ZNF493: variants seen among roughly 807,000 people sequenced by gnomAD.
ZNF493 encodes zinc finger protein 493.
ZNF493 carries 11 observed loss-of-function variants against 12.2 expected under a neutral mutation model. That is an observed-to-expected ratio of 0.90 (90% CI 0.57 to 1.50). ZNF493 has a LOEUF of 1.50. ZNF493 is among the 40% of genes most tolerant of loss of function. The pLI, the probability that ZNF493 is intolerant of heterozygous loss-of-function variation, is 0.00. For synonymous variants in ZNF493, 286 were observed against 302.6 expected, an observed-to-expected ratio of 0.95 and a Z score of 0.57; for missense variants, 950 against 906.6, an observed-to-expected ratio of 1.05 and a Z score of -0.61.
In ZNF493 at chr19:21,405,793, T is replaced by A; in HGVS notation, c.190T>A (p.Cys64Ser). The A allele has an allele frequency of 6.2e-7, 1 of 1,611,492 alleles. No homozygotes were observed. The highest frequency in any genetic ancestry group is 1.7e-5 in the Admixed American group (1 of 59,570). Reference sequence around the variant, plus strand: ...TGTCTCTAAGCCAGATCTGGTCACCTGTCTGGAGCAAGGAAAAGATCCCTG... The same window carrying A: ...TGTCTCTAAGCCAGATCTGGTCACCAGTCTGGAGCAAGGAAAAGATCCCTG... Reference protein sequence around the residue: ...IAVSKPDLVTCLEQGKDPWNM... With the variant: ...IAVSKPDLVTSLEQGKDPWNM... Residue 64 changes from cysteine to serine, a missense_variant, in exon 3 of 4, where the codon TGT becomes AGT. Transcript: ENST00000392288.
At position 21,423,349 on chromosome 19, in the gene ZNF493, A is replaced by G. The variant is rs1310117317; in HGVS notation, c.690A>G (p.Arg230=). 2 of 1,613,694 alleles carry G rather than the reference A, an allele frequency of 1.2e-6. No individual in the cohort carries two copies. The highest frequency in any genetic ancestry group is 1.7e-6 in the Non-Finnish European group (2 of 1,179,842). ...IWFSTLTRHR[R]VHTGEKSYKY... is the part of the protein sequence containing the mutation. ...TTTCAACCCTTACTAGACACAGGAG[A>G]GTTCATACTGGAGAGAAATCCTACA... The change falls in exon 4 of 4, where the codon AGA becomes AGG. Residue 230 remains arginine (R), a synonymous_variant. Coordinates refer to ENST00000392288, the MANE Select transcript of ZNF493 (RefSeq NM_001076678.3).
intron 3 of ZNF493, chr19:21,407,862 A>G (rs2030185215): frequency 1.0e-6 from 1 of 985,270 alleles, no homozygotes; most frequent in Non-Finnish European, 1.2e-6. Flanking sequence ...TTAAAATAGA[A>G]ACATTGACAA....
Position 21,424,399 on chromosome 19 carries a change from A to C in ZNF493, c.1740A>C (p.Lys580Asn). Residue 580 changes from lysine to asparagine, a missense_variant, in exon 4 of 4, where the codon AAA becomes AAC. Physicochemically the swap from Lys to Asn is moderately conservative, Grantham distance 94. Coordinates refer to ENST00000392288, the MANE Select transcript of ZNF493 (RefSeq NM_001076678.3). ...CCTACAAATGTAAAGAATGTGGCAA[A>C]TCCTTTAGTGTATTCTCAACCCTTA... ...HKPYKCKECG[K>N]SFSVFSTLTK... 1 of 1,613,450 alleles carries C rather than the reference A, an allele frequency of 6.2e-7. No individual in the cohort carries two copies. Among genetic ancestry groups the C allele is most frequent in the Non-Finnish European group, 8.5e-7 (1 of 1,179,722 alleles).
In ZNF493 at chr19:21,403,112, C is replaced by T. The variant is rs77809056; in HGVS notation, c.31-2017C>T. On this transcript the variant is annotated intron_variant, in intron 1 of 3. Coordinates refer to ENST00000392288, the MANE Select transcript of ZNF493 (RefSeq NM_001076678.3). ...GAGGATGTCAGGGACAGAATTGTGT[C>T]GGGATTACATGGCCAATTTGCAGAA... 1.3e-3 allele frequency among the ~76,000 whole-genome samples: 194 copies of T among 152,316 alleles called. 3 individuals carry two copies. The East Asian group carries it at 0.017, about 13-fold the overall frequency.
rs974985253 is a variant in ZNF493, at chr19:21,426,734, TGTA to T, written c.*1754_*1756del. Reference sequence around the variant, plus strand: ...TTATACGAAAATATATTTTCAAAGGTGTAGTAAAAATAAAAAAAATTTTAATCC... The same window carrying T: ...TTATACGAAAATATATTTTCAAAGGTGTAAAAATAAAAAAAATTTTAATCC... On this transcript the variant is annotated 3_prime_UTR_variant, in exon 4 of 4. Transcript: ENST00000392288. 3 of 166,900 alleles carry T rather than the reference TGTA, an allele frequency of 1.8e-5. No homozygotes were observed. The highest frequency in any genetic ancestry group is 6.5e-5 in the Admixed American group (1 of 15,270). 10.3% of individuals were successfully genotyped at this position (166,900 alleles called of 1,614,324 possible).
chr19:21,425,381 T>C lies in ZNF493; in HGVS notation c.*397T>C. 4.8e-6 allele frequency: 2 copies of C among 414,770 alleles called. No homozygotes were observed. Among genetic ancestry groups the C allele is most frequent in the South Asian group, 2.3e-5 (1 of 42,966 alleles). The allele number at this position is 414,770 out of a possible 1,614,324, so 25.7% of individuals were successfully genotyped here. A position where few individuals can be genotyped will look rare whatever the true frequency, so the allele number is the denominator to read the frequency against. ...AATATGAGGAATGTCTCAAAGCTTTTTACTGATTCTTATACCTTACTAAAC... is the reference window on the plus strand; with the variant it reads ...AATATGAGGAATGTCTCAAAGCTTTCTACTGATTCTTATACCTTACTAAAC... On this transcript the variant is annotated 3_prime_UTR_variant, in exon 4 of 4. Transcript: ENST00000392288.
intron 1 of ZNF493, among the ~76,000 whole-genome samples, chr19:21,400,365 G>A (rs934073884): frequency 1.3e-5 from 2 of 151,808 alleles, no homozygotes; most frequent in African/African-American, 4.8e-5. Flanking sequence ...AGCCAAGATT[G>A]TACCACTGTA....
At chr19:21,419,427 C>A (rs1252571507) in intron 3 of ZNF493, among the ~76,000 whole-genome samples, 1 of 152,092 alleles carries the variant, frequency 6.6e-6, no homozygotes, top group African/African-American at 2.4e-5. Flanking sequence ...CACAAGGTCC[C>A]ACAACAGGCC....
At chr19:21,411,240 A>G (rs1340831172) in intron 3 of ZNF493, among the ~76,000 whole-genome samples, 1 of 152,210 alleles carries the variant, frequency 6.6e-6, no homozygotes, top group African/African-American at 2.4e-5. Flanking sequence ...GCAAAAGATC[A>G]TGTAATCATA....
Position 21,422,860 on chromosome 19 carries a change from ATATT to A in ZNF493, c.254-49_254-46del, listed in dbSNP as rs2030721531. The A allele has an allele frequency of 7.0e-6, 10 of 1,435,554 alleles. No individual in the cohort carries two copies. The East Asian group carries it at 1.1e-4, about 16-fold the overall frequency. The allele number at this position is 1,435,554 out of a possible 1,614,324, so 88.9% of individuals were successfully genotyped here. On this transcript the variant is annotated intron_variant, in intron 3 of 3. Transcript: ENST00000392288. Reference sequence around the variant, plus strand: ...ATATTATAGTTTAGATTTGTAATCTATATTTATCTGAGTCTAGTAAGTGGAGTAA... The same window carrying A: ...ATATTATAGTTTAGATTTGTAATCTATATCTGAGTCTAGTAAGTGGAGTAA...
At chr19:21,409,443 T>C (rs2030248477) in intron 3 of ZNF493, among the ~76,000 whole-genome samples, 1 of 152,216 alleles carries the variant, frequency 6.6e-6, no homozygotes. Context: ...TAAATCTATT[T>C]AAGTGTACAT....
At position 21,423,392 on chromosome 19, in the gene ZNF493, T is replaced by C. The variant is rs2030743238; in HGVS notation, c.733T>C (p.Ser245Pro). The C allele has an allele frequency of 6.2e-7, 1 of 1,612,880 alleles. No individual in the cohort carries two copies. The highest frequency in any genetic ancestry group is 2.2e-5 in the East Asian group (1 of 44,646). ...EKSYKYECGKSFNQDSNLTTH... is the reference protein window; with the variant it reads ...EKSYKYECGKPFNQDSNLTTH... ...ATCCTACAAATATGAATGTGGCAAA[T>C]CTTTTAACCAGGACTCAAACCTTAC... The change falls in exon 4 of 4, where the codon TCT becomes CCT. Residue 245 changes from serine to proline, a missense_variant. By Grantham distance (74) the Ser-to-Pro change is moderately conservative. Transcript: ENST00000392288.
At position 21,423,556 on chromosome 19, in the gene ZNF493, CA is replaced by C. The variant is rs760509172; in HGVS notation, c.901del (p.Thr301LeufsTer13). The stretch of plus-strand genomic sequence containing the variant: ...AACCCTATAAATGTGAACAATATGG[CA>C]AAACTTTTAACCAATCTTCAACCCT... Reference protein sequence around the residue: ...EKPYKCEQYGKTFNQSSTLTG... With the variant: ...EKPYKCEQYGXTFNQSSTLTG... On this transcript the variant is annotated frameshift_variant, in exon 4 of 4. Coordinates refer to ENST00000392288, the MANE Select transcript of ZNF493 (RefSeq NM_001076678.3). LOFTEE classifies it low-confidence loss of function (END_TRUNC). 94 of 1,613,568 alleles carry C rather than the reference CA, an allele frequency of 5.8e-5. No individual in the cohort carries two copies. The highest frequency in any genetic ancestry group is 7.3e-5 in the Non-Finnish European group (86 of 1,179,838).
At position 21,423,737 on chromosome 19, in the gene ZNF493, G is replaced by C. The variant is rs774045289; in HGVS notation, c.1078G>C (p.Glu360Gln). The change falls in exon 4 of 4, where the codon GAG becomes CAG. Residue 360 changes from glutamate (E) to glutamine (Q), a missense_variant. By Grantham distance (29) the Glu-to-Gln change is conservative (BLOSUM62 2). Transcript: ENST00000392288. ...TGAAGAATATTGCAAAGCTTATAAG[G>C]AGTCCTCACACCTTACTACACATAA... ...RCEEYCKAYK[E>Q]SSHLTTHKRI... The C allele has an allele frequency of 6.2e-7, 1 of 1,609,662 alleles. No homozygotes were observed.
At chr19:21,401,863 C>G (rs2029956758) in intron 1 of ZNF493, among the ~76,000 whole-genome samples, 1 of 152,010 alleles carries the variant, frequency 6.6e-6, no homozygotes, top group African/African-American at 2.4e-5. Context: ...AACTTCTGAC[C>G]TCGTGATCCA....
intron 3 of ZNF493, among the ~76,000 whole-genome samples, chr19:21,417,618 C>G (rs1568381609): frequency 1.3e-5 from 2 of 152,102 alleles, no homozygotes; most frequent in Non-Finnish European, 2.9e-5. Flanking sequence ...TGGTCTTTTC[C>G]CAAGCTGTAA....
At chr19:21,416,991 A>G (rs1168436621) in intron 3 of ZNF493, among the ~76,000 whole-genome samples, 1 of 152,174 alleles carries the variant, frequency 6.6e-6, no homozygotes, top group Non-Finnish European at 1.5e-5. Context: ...CTGTGGCACT[A>G]CCAGCTGTGG....
chr19:21,420,678 A>G (rs1454598237), intron 3 of ZNF493, among the ~76,000 whole-genome samples: 1 of 117,262 alleles, frequency 8.5e-6, no homozygotes, highest in African/African-American at 3.4e-5. Context: ...TATATCACAC[A>G]ATATCCTTCT....
chr19:21,419,581 C>G (rs896933961), intron 3 of ZNF493, among the ~76,000 whole-genome samples: 1 of 152,092 alleles, frequency 6.6e-6, no homozygotes, highest in Non-Finnish European at 1.5e-5. Flanking sequence ...TTCCTGCCTG[C>G]TTTTGTATGC....
Sources: gnomAD v4.1 joint callset for allele counts (sites outside exome capture counted in the v4.1 genomes callset) on GRCh38, gnomAD v4.1.1 for gene constraint, MANE v1.5 for transcripts, NCBI Gene and HGNC (gene_info 2026-07-23, HGNC 2026-07-21) for gene names.